Variants in CACNA2D3 observed in about 807,000 individuals in gnomAD.
CACNA2D3 encodes voltage-dependent calcium channel subunit alpha-2/delta-3.
A neutral mutation model predicts 160.6 loss-of-function variants in CACNA2D3; 60 were observed. That is an observed-to-expected ratio of 0.37 (90% CI 0.30 to 0.46). CACNA2D3 has a LOEUF of 0.46. Ranked by LOEUF, CACNA2D3 falls within the 20% of genes least tolerant of loss-of-function variation. The probability of loss-of-function intolerance (pLI) is 1.00; values close to 1 mark genes in which losing one functional copy is unlikely to be tolerated. For missense variants in CACNA2D3, 1,205 were observed against 1,365.0 expected, an observed-to-expected ratio of 0.88 and a Z score of 1.85; for synonymous variants, 558 against 492.9, an observed-to-expected ratio of 1.13 and a Z score of -1.75.
chr3:54,165,693 T>C (rs193267264), intron 2 of CACNA2D3, among the ~76,000 whole-genome samples: 1 of 151,186 alleles, frequency 6.6e-6, no homozygotes, highest in South Asian at 2.1e-4. Flanking sequence ...GAGGATTGCT[T>C]GAGCCGAGGT....
At chr3:54,916,167 G>A (rs1204678881) in intron 27 of CACNA2D3, among the ~76,000 whole-genome samples, 2 of 152,176 alleles carry the variant, frequency 1.3e-5, no homozygotes, top group Non-Finnish European at 2.9e-5. Flanking sequence ...TGGGGTGGGT[G>A]TCAGGATTAC....
rs10716957 is a variant in CACNA2D3 at position 54,960,076 on chromosome 3, CAA to C, written c.2450-8359_2450-8358del. ...ACAGTTCCGAGAAGCTCTGACAGGACAAAAAAAAAAAAAAAACCAAAGTGATT... is the reference window on the plus strand; with the variant it reads ...ACAGTTCCGAGAAGCTCTGACAGGACAAAAAAAAAAAAAACCAAAGTGATT... On this transcript the variant is annotated intron_variant, in intron 27 of 37. Transcript: ENST00000474759. Among the ~76,000 whole-genome samples the C allele has an allele frequency of 3.6e-3, 297 of 81,978 alleles. 1 individual carries two copies. Among genetic ancestry groups the C allele is most frequent in the African/African-American group, 8.3e-3 (263 of 31,772 alleles). The allele number at this position is 81,978 out of a possible 152,430, so 53.8% of individuals were successfully genotyped here.
chr3:54,905,186 A>G (rs147557527), intron 27 of CACNA2D3, among the ~76,000 whole-genome samples: 2 of 152,358 alleles, frequency 1.3e-5, no homozygotes, highest in African/African-American at 4.8e-5. Flanking sequence ...CAAGAAACAC[A>G]GAACACTTTA....
At chr3:54,850,435 G>A (rs543553302) in intron 17 of CACNA2D3, among the ~76,000 whole-genome samples, 2 of 152,314 alleles carry the variant, frequency 1.3e-5, no homozygotes, top group South Asian at 4.1e-4. Flanking sequence ...GTTAAACATT[G>A]AAGTATAGCT....
At chr3:54,603,680 A>G (rs966768177) in intron 9 of CACNA2D3, among the ~76,000 whole-genome samples, 1 of 152,242 alleles carries the variant, frequency 6.6e-6, no homozygotes, top group African/African-American at 2.4e-5. Context: ...ATCCACAGCA[A>G]TGACGCTTTG....
intron 2 of CACNA2D3, among the ~76,000 whole-genome samples, chr3:54,296,985 C>T (rs1286765649): frequency 6.6e-6 from 1 of 152,174 alleles, no homozygotes. Context: ...GGAATACCTC[C>T]TCCACTTCCT....
At chr3:54,838,508 T>C (rs1459998395) in intron 15 of CACNA2D3, 60 bp from the exon 16 acceptor site, 6 of 1,333,510 alleles carry the variant, frequency 4.5e-6, no homozygotes, top group Non-Finnish European at 6.5e-6. Context: ...TCTCGTGAGA[T>C]TCTATTTCTT....
intron 4 of CACNA2D3, among the ~76,000 whole-genome samples, chr3:54,432,802 G>A (rs781296091): frequency 2.0e-5 from 3 of 152,100 alleles, no homozygotes; most frequent in Non-Finnish European, 4.4e-5. Flanking sequence ...TGAATATGGA[G>A]TAAAGGTTGG....
At position 54,984,231 on chromosome 3, in the gene CACNA2D3, A is replaced by G. The variant is rs56386325; in HGVS notation, c.2557-377A>G. Among the ~76,000 whole-genome samples, 1,274 of 152,134 alleles carry G rather than the reference A, an allele frequency of 8.4e-3. 20 individuals are homozygous for G. Among genetic ancestry groups the G allele is most frequent in the African/African-American group, 0.029 (1,219 of 41,496 alleles). On this transcript the variant is annotated intron_variant, in intron 29 of 37. Transcript: ENST00000474759. ...GCGTTTTGCTTTCAAAACAGCCTGC[A>G]CTTCAACCGCCAATACAGGCTTGGG...
chr3:54,161,137 C>A (rs536766762), intron 2 of CACNA2D3, among the ~76,000 whole-genome samples: 20 of 152,322 alleles, frequency 1.3e-4, no homozygotes, highest in African/African-American at 4.8e-4. Flanking sequence ...TTATTCCCTT[C>A]ACACACGTAA....
At chr3:55,013,337 T>C (rs1339932570) in intron 34 of CACNA2D3, among the ~76,000 whole-genome samples, 1 of 152,212 alleles carries the variant, frequency 6.6e-6, no homozygotes, top group Non-Finnish European at 1.5e-5. Context: ...CTGCAGCTAC[T>C]GCACTGGAAT....
chr3:54,481,326 G>T (rs537916142), intron 4 of CACNA2D3, among the ~76,000 whole-genome samples: 1 of 152,206 alleles, frequency 6.6e-6, no homozygotes, highest in African/African-American at 2.4e-5. Flanking sequence ...TGTGTTTCCA[G>T]TGTGTTCCTG....
intron 11 of CACNA2D3, among the ~76,000 whole-genome samples, chr3:54,723,010 A>G (rs572421317): frequency 5.9e-5 from 9 of 152,300 alleles, no homozygotes; most frequent in Non-Finnish European, 1.3e-4. Flanking sequence ...CCCCTCCGCC[A>G]GGTACTCTGT....
At chr3:54,695,776 C>G (rs1435522169) in intron 11 of CACNA2D3, among the ~76,000 whole-genome samples, 1 of 152,196 alleles carries the variant, frequency 6.6e-6, no homozygotes, top group East Asian at 1.9e-4. Context: ...GTACATCCTT[C>G]TCCTTATTGA....
chr3:54,761,006 A>G (rs964694045), intron 12 of CACNA2D3, among the ~76,000 whole-genome samples: 4 of 152,114 alleles, frequency 2.6e-5, no homozygotes, highest in Non-Finnish European at 4.4e-5. Flanking sequence ...TATGATAAGC[A>G]AGGACAAGTG....
At chr3:54,709,780 G>A (rs971237714) in intron 11 of CACNA2D3, among the ~76,000 whole-genome samples, 1 of 152,118 alleles carries the variant, frequency 6.6e-6, no homozygotes, top group East Asian at 1.9e-4. Flanking sequence ...TTGAAAATTA[G>A]CTGGAAATGA....
At chr3:54,865,122 C>T (rs1467530264) in intron 17 of CACNA2D3, among the ~76,000 whole-genome samples, 3 of 152,176 alleles carry the variant, frequency 2.0e-5, no homozygotes, top group Non-Finnish European at 4.4e-5. Context: ...AGATTAGTTA[C>T]TACATTTTAT....
Position 54,305,800 on chromosome 3 carries a change from A to G in CACNA2D3, c.205-14642A>G, listed in dbSNP as rs58941568. The stretch of plus-strand genomic sequence containing the variant: ...TTTTACTTTCACTAACCTCTAACCA[A>G]AACATATGACTTTCTTAACTTACAA... On this transcript the variant is annotated intron_variant, in intron 2 of 37. Transcript: ENST00000474759. 3.9e-3 allele frequency among the ~76,000 whole-genome samples: 588 copies of G among 152,332 alleles called. 15 individuals are homozygous for G. In the East Asian group the frequency reaches 0.063, roughly 16 times the overall value.
intron 17 of CACNA2D3, among the ~76,000 whole-genome samples, chr3:54,847,240 G>C (rs897628185): frequency 2.0e-5 from 3 of 152,156 alleles, no homozygotes; most frequent in Non-Finnish European, 4.4e-5. Context: ...CATCCCTTTG[G>C]GTTTGTGTGT....
Sources: gnomAD v4.1 joint callset for allele counts (sites outside exome capture counted in the v4.1 genomes callset) on GRCh38, gnomAD v4.1.1 for gene constraint, MANE v1.5 for transcripts, NCBI Gene and HGNC (gene_info 2026-07-23, HGNC 2026-07-21) for gene names.